The following MTARC1 variants were observed in gnomAD, a reference collection of about 807,000 sequenced individuals.
The protein encoded by MTARC1 is mitochondrial amidoxime reducing component 1.
Under a neutral mutation model 33.6 loss-of-function variants are expected in MTARC1, and 24 were observed. The ratio of observed to expected loss-of-function variants is 0.72; its 90% CI spans 0.52 to 1.01. The LOEUF is 1.01. MTARC1 is among the 50% of genes least tolerant of loss of function. The pLI is 0.00. For synonymous variants in MTARC1, 187 were observed against 189.5 expected (o/e 0.99, Z 0.11); for missense variants, 417 against 445.7 (o/e 0.94, Z 0.58).
At position 220,797,897 on chromosome 1, in the gene MTARC1, A is replaced by G; in HGVS notation, c.636A>G (p.Pro212=). 6.2e-7 allele frequency: 1 copy of G among 1,614,250 alleles called. No homozygotes were observed. Among genetic ancestry groups the G allele is most frequent in the Non-Finnish European group, 8.5e-7 (1 of 1,180,050 alleles). ...AGATTGCTTACTCAGACACCAGCCC[A>G]TTCTTGATCCTTTCTGAGGCGTCGC... ...KDQIAYSDTS[P]FLILSEASLA... Residue 212 remains proline (P), a synonymous_variant, in exon 4 of 7, where the codon CCA becomes CCG. Transcript: ENST00000366910.
At chr1:220,791,361 A>G (rs1672413760) in intron 1 of MTARC1, 130 bp from the exon 2 acceptor site, 1 of 960,648 alleles carries the variant, frequency 1.0e-6, no homozygotes, top group South Asian at 1.7e-5. Flanking sequence ...AGACACACAC[A>G]CTCAAACTCA....
At chr1:220,802,102 CCTTA>C (rs1672830427) in intron 4 of MTARC1, among the ~76,000 whole-genome samples, 1 of 152,134 alleles carries the variant, frequency 6.6e-6, no homozygotes, top group Non-Finnish European at 1.5e-5. Flanking sequence ...TGTCCTCATC[CCTTA>C]CTTCCAAAAG....
intron 1 of MTARC1, among the ~76,000 whole-genome samples, chr1:220,788,100 A>G (rs986116752): frequency 9.9e-5 from 15 of 152,220 alleles, no homozygotes; most frequent in Non-Finnish European, 2.1e-4. Context: ...TCTTGTGGAT[A>G]AAGAAGTTGA....
chr1:220,808,392 G>A (rs1006327727), intron 6 of MTARC1, among the ~76,000 whole-genome samples: 2 of 152,216 alleles, frequency 1.3e-5, no homozygotes, highest in African/African-American at 2.4e-5. Flanking sequence ...AGACAGTGCG[G>A]CCAGCCTAGG....
Position 220,814,106 on chromosome 1 carries a change from G to C in MTARC1, c.*688G>C, listed in dbSNP as rs112021741. On this transcript the variant is annotated 3_prime_UTR_variant, in exon 7 of 7. Transcript: ENST00000366910. The stretch of plus-strand genomic sequence containing the variant: ...CTTGCCATTCCCCTCAGCTAATGAC[G>C]GAGTGCTCCTTCTCCAGTTCCGGGT... The C allele has an allele frequency of 6.6e-6, 1 of 152,254 alleles. No homozygotes were observed. Among genetic ancestry groups the C allele is most frequent in the Non-Finnish European group, 1.5e-5 (1 of 68,088 alleles). 9.4% of individuals were successfully genotyped at this position (152,254 alleles called of 1,614,324 possible). A position where few individuals can be genotyped will look rare whatever the true frequency, so the allele number is the denominator to read the frequency against.
chr1:220,803,675 T>C (rs1433553253), intron 4 of MTARC1, among the ~76,000 whole-genome samples: 3 of 149,180 alleles, frequency 2.0e-5, no homozygotes, highest in African/African-American at 5.0e-5. Flanking sequence ...CATCAGTGCT[T>C]ATGACTCAAT....
chr1:220,809,491 C>CAATTTAATTTAATTT (rs144260621), intron 6 of MTARC1, among the ~76,000 whole-genome samples: 2,819 of 150,116 alleles, frequency 0.019, 43 homozygotes, highest in African/African-American at 0.03. Flanking sequence ...TCTAATTCTT[C>CAATTTAATTTAATTT]AATTTAATTT....
chr1:220,806,332 G>A (rs1217247452), intron 6 of MTARC1, among the ~76,000 whole-genome samples: 1 of 152,160 alleles, frequency 6.6e-6, no homozygotes, highest in Admixed American at 6.5e-5. Context: ...TTGGCTTTGT[G>A]TAAGACCCTT....
At chr1:220,813,267 T>C in intron 6 of MTARC1, 25 bp from the exon 7 acceptor site, 1 of 1,613,878 alleles carries the variant, frequency 6.2e-7, no homozygotes, top group Middle Eastern at 1.7e-4. Flanking sequence ...TGGCTGTGAC[T>C]CATCATGATC....
chr1:220,813,218 G>A lies in MTARC1; in HGVS notation c.888-74G>A, dbSNP rs913444714. ...GCTGTGCGTGCGGAGGCCCTGTGTG[G>A]GATGGAAGCCACGTGCTGGTTGAGC... On this transcript the variant is annotated intron_variant, in intron 6 of 6. Transcript: ENST00000366910. 8 of 1,605,230 alleles carry A rather than the reference G, an allele frequency of 5.0e-6. No homozygotes were observed. The East Asian group carries it at 1.3e-4, about 27-fold the overall frequency.
At chr1:220,796,386 C>A (rs1049403835) in intron 2 of MTARC1, among the ~76,000 whole-genome samples, 4 of 152,240 alleles carry the variant, frequency 2.6e-5, no homozygotes, top group African/African-American at 7.2e-5. Context: ...TCCCTGCATT[C>A]CTTCCAGGTA....
At chr1:220,797,767 T>C in intron 3 of MTARC1, 107 bp from the exon 4 acceptor site, 1 of 1,000,306 alleles carries the variant, frequency 1.0e-6, no homozygotes, top group Non-Finnish European at 1.5e-6. Flanking sequence ...TGAAAGATTG[T>C]GTGTGGGGTG....
At chr1:220,798,321 G>A (rs1490459176) in intron 4 of MTARC1, 3 of 1,251,304 alleles carry the variant, frequency 2.4e-6, no homozygotes, top group African/African-American at 1.5e-5. Context: ...CATGATCTGT[G>A]TGGGCCATGG....
At chr1:220,803,234 C>CTT (rs1571676052) in intron 4 of MTARC1, among the ~76,000 whole-genome samples, 1 of 152,214 alleles carries the variant, frequency 6.6e-6, no homozygotes, top group East Asian at 1.9e-4. Flanking sequence ...GGGAACTGCC[C>CTT]TTTATAAAAC....
In MTARC1 at chr1:220,817,230, C is replaced by T. The variant is rs143839771; in HGVS notation, c.*3812C>T. On this transcript the variant is annotated 3_prime_UTR_variant, in exon 7 of 7. Transcript: ENST00000366910. ...TCTTCTGCCTCAGCCTCCCGAGTAGCTGGTGTGTCTGGAGTTGGTTCCTTC... is the reference window on the plus strand; with the variant it reads ...TCTTCTGCCTCAGCCTCCCGAGTAGTTGGTGTGTCTGGAGTTGGTTCCTTC... 1.8e-3 allele frequency: 281 copies of T among 158,116 alleles called. 1 individual carries two copies. Among genetic ancestry groups the T allele is most frequent in the African/African-American group, 5.9e-3 (246 of 41,610 alleles). 9.8% of individuals were successfully genotyped at this position (158,116 alleles called of 1,614,324 possible).
intron 1 of MTARC1, among the ~76,000 whole-genome samples, chr1:220,788,511 A>G (rs1464879002): frequency 6.6e-6 from 1 of 152,112 alleles, no homozygotes; most frequent in Non-Finnish European, 1.5e-5. Flanking sequence ...GTTTTGGGCC[A>G]GGCGCGGTGG....
At position 220,791,527 on chromosome 1, in the gene MTARC1, T is replaced by C. The variant is rs750447346; in HGVS notation, c.312T>C (p.Val104=). ...WLVINQEGNM[V]TARQEPRLVL... ...TGATCAACCAGGAGGGAAACATGGT[T>C]ACTGCTCGCCAGGAACCTCGCCTGG... Residue 104 remains valine (V), a synonymous_variant, in exon 2 of 7, where the codon GTT becomes GTC. Coordinates refer to ENST00000366910, the MANE Select transcript of MTARC1 (RefSeq NM_022746.4). 3.7e-6 allele frequency: 6 copies of C among 1,614,178 alleles called. No homozygotes were observed. In the Admixed American group the frequency reaches 1.0e-4, roughly 27 times the overall value.
intron 4 of MTARC1, among the ~76,000 whole-genome samples, chr1:220,804,747 C>T (rs1447881260): frequency 2.0e-5 from 3 of 151,274 alleles, no homozygotes; most frequent in South Asian, 4.3e-4. Context: ...CCCCACCCCC[C>T]ACCACCAGTC....
chr1:220,790,598 C>T (rs756072186), intron 1 of MTARC1, among the ~76,000 whole-genome samples: 7 of 152,170 alleles, frequency 4.6e-5, no homozygotes, highest in Non-Finnish European at 8.8e-5. Context: ...ACAACTCAAC[C>T]ATGATAACCT....
Sources: allele counts gnomAD v4.1 joint callset (sites outside exome capture counted in the v4.1 genomes callset), GRCh38; gene constraint gnomAD v4.1.1; transcripts MANE v1.5; gene names NCBI Gene and HGNC (gene_info 2026-07-23, HGNC 2026-07-21).